PDE4D: variants seen among roughly 807,000 people sequenced by gnomAD.
PDE4D encodes 3',5'-cyclic-AMP phosphodiesterase 4D.
A neutral mutation model predicts 87.4 loss-of-function variants in PDE4D; 24 were observed. That is an observed-to-expected ratio of 0.27 (90% CI 0.20 to 0.39). The LOEUF is 0.39. PDE4D is among the 10% of genes least tolerant of loss of function. The pLI is 1.00. For synonymous variants in PDE4D, 384 were observed against 383.2 expected (o/e 1.00, Z -0.02); for missense variants, 714 against 1,041.0 (o/e 0.69, Z 4.32).
intron 1 of PDE4D, among the ~76,000 whole-genome samples, chr5:60,201,437 C>T (rs1042333076): frequency 1.3e-5 from 2 of 151,942 alleles, no homozygotes; most frequent in East Asian, 3.9e-4. Flanking sequence ...CATTGAAGTA[C>T]ATAAAAGGAG....
At chr5:60,460,496 GA>G in intron 1 of PDE4D, 1 of 1,532,252 alleles carries the variant, frequency 6.5e-7, no homozygotes, top group Non-Finnish European at 9.0e-7. Flanking sequence ...GACATCTTCT[GA>G]AAAAATGGTT....
chr5:59,201,848 C>A, intron 2 of PDE4D, among the ~76,000 whole-genome samples: 1 of 152,064 alleles, frequency 6.6e-6, no homozygotes, highest in East Asian at 1.9e-4. Flanking sequence ...CCAAAACTTT[C>A]AATTTGGCAA....
At chr5:59,380,527 T>C (rs1202658981) in intron 1 of PDE4D, among the ~76,000 whole-genome samples, 1 of 152,202 alleles carries the variant, frequency 6.6e-6, no homozygotes, top group Non-Finnish European at 1.5e-5. Flanking sequence ...TCACAAGAGC[T>C]ACAGGCTGAC....
intron 1 of PDE4D, among the ~76,000 whole-genome samples, chr5:60,348,292 T>C (rs924067150): frequency 6.6e-6 from 1 of 152,070 alleles, no homozygotes; most frequent in Non-Finnish European, 1.5e-5. Flanking sequence ...TTTCCATTGT[T>C]TCTCCTCACA....
In PDE4D at chr5:59,518,693, G is replaced by A. The variant is rs1012358056; in HGVS notation, c.456-302725C>T. On this transcript the variant is annotated intron_variant, in intron 1 of 14. Coordinates refer to ENST00000340635, the MANE Select transcript of PDE4D (RefSeq NM_001104631.2). ...TCACTTATCCCCAATTCAGGCATTCGACTACCAGCTTCATGATTCTGCCAT... is the reference window on the plus strand; with the variant it reads ...TCACTTATCCCCAATTCAGGCATTCAACTACCAGCTTCATGATTCTGCCAT... Among the ~76,000 whole-genome samples the A allele has an allele frequency of 3.9e-5, 6 of 152,088 alleles. No individual in the cohort carries two copies. The East Asian group carries it at 9.6e-4, about 24-fold the overall frequency.
At chr5:60,219,060 G>C (rs1364431478) in intron 1 of PDE4D, among the ~76,000 whole-genome samples, 2 of 152,084 alleles carry the variant, frequency 1.3e-5, no homozygotes, top group African/African-American at 2.4e-5. Flanking sequence ...ATATACAGCA[G>C]CCTTATTATT....
Position 59,612,229 on chromosome 5 carries a change from A to G in PDE4D, c.455+280939T>C, listed in dbSNP as rs560647768. Among the ~76,000 whole-genome samples the G allele has an allele frequency of 2.7e-3, 109 of 40,888 alleles. 1 individual carries two copies. The highest frequency in any genetic ancestry group is 7.5e-3 in the African/African-American group (106 of 14,066). The allele number at this position is 40,888 out of a possible 152,430, so 26.8% of individuals were successfully genotyped here. A position where few individuals can be genotyped will look rare whatever the true frequency, so the allele number is the denominator to read the frequency against. On this transcript the variant is annotated intron_variant, in intron 1 of 14. Coordinates refer to ENST00000340635, the MANE Select transcript of PDE4D (RefSeq NM_001104631.2). ...TATATATTCTGATTCCTTGATTGACACTGTTTTTTTTGTTTGTTTGTTTGT... is the reference window on the plus strand; with the variant it reads ...TATATATTCTGATTCCTTGATTGACGCTGTTTTTTTTGTTTGTTTGTTTGT...
At chr5:60,386,601 C>T (rs951480117) in intron 1 of PDE4D, among the ~76,000 whole-genome samples, 2 of 152,168 alleles carry the variant, frequency 1.3e-5, no homozygotes, top group African/African-American at 2.4e-5. Context: ...GGGCAGAAAG[C>T]CAGTGCAGCA....
chr5:59,916,441 A>G (rs1424248834), intron 3 of PDE4D, among the ~76,000 whole-genome samples: 2 of 152,220 alleles, frequency 1.3e-5, no homozygotes, highest in Non-Finnish European at 2.9e-5. Context: ...TCCCAGACAT[A>G]CAGTGAACAA....
intron 1 of PDE4D, among the ~76,000 whole-genome samples, chr5:59,664,897 G>A (rs1745817060): frequency 6.6e-6 from 1 of 152,098 alleles, no homozygotes; most frequent in Admixed American, 6.5e-5. Flanking sequence ...CCAGTTTTCT[G>A]TGGATAGACT....
intron 11 of PDE4D, among the ~76,000 whole-genome samples, chr5:58,985,103 C>T (rs1746103270): frequency 6.6e-6 from 1 of 151,936 alleles, no homozygotes; most frequent in African/African-American, 2.4e-5. Context: ...TTTGTAAAGA[C>T]AGGGTTTCAC....
At chr5:59,732,000 T>C (rs1016522072) in intron 1 of PDE4D, among the ~76,000 whole-genome samples, 1 of 152,162 alleles carries the variant, frequency 6.6e-6, no homozygotes, top group African/African-American at 2.4e-5. Flanking sequence ...TAAATCCCAA[T>C]CATTGCCACT....
At chr5:60,419,923 G>A (rs568416452) in intron 1 of PDE4D, among the ~76,000 whole-genome samples, 4 of 152,250 alleles carry the variant, frequency 2.6e-5, no homozygotes, top group African/African-American at 7.2e-5. Context: ...TGGCATGGCT[G>A]GCATCTATAA....
chr5:59,174,897 C>T (rs1474027741), intron 5 of PDE4D, among the ~76,000 whole-genome samples: 6 of 152,080 alleles, frequency 3.9e-5, no homozygotes, highest in African/African-American at 1.4e-4. Flanking sequence ...AATACGTTTT[C>T]TTTAGAGTTG....
chr5:59,135,142 G>A (rs1231900759), intron 5 of PDE4D, among the ~76,000 whole-genome samples: 1 of 152,238 alleles, frequency 6.6e-6, no homozygotes, highest in Admixed American at 6.5e-5. Flanking sequence ...TGACAAGGAT[G>A]CACTTATTTG....
At chr5:59,855,553 GA>G (rs1454270473) in intron 1 of PDE4D, among the ~76,000 whole-genome samples, 1 of 152,136 alleles carries the variant, frequency 6.6e-6, no homozygotes, top group Non-Finnish European at 1.5e-5. Flanking sequence ...CAGAAGGGTA[GA>G]AATTTTCATA....
At chr5:59,650,415 C>T (rs904666407) in intron 1 of PDE4D, among the ~76,000 whole-genome samples, 1 of 152,090 alleles carries the variant, frequency 6.6e-6, no homozygotes, top group Non-Finnish European at 1.5e-5. Context: ...AATGAGGAGG[C>T]TGAAGATGCA....
chr5:59,820,753 CAA>C (rs1491571482), intron 1 of PDE4D, among the ~76,000 whole-genome samples: 1 of 152,132 alleles, frequency 6.6e-6, no homozygotes, highest in Non-Finnish European at 1.5e-5. Flanking sequence ...GCTCAACTCC[CAA>C]TATATATCTA....
intron 3 of PDE4D, among the ~76,000 whole-genome samples, chr5:59,965,638 T>G (rs984088561): frequency 1.3e-5 from 2 of 152,168 alleles, no homozygotes; most frequent in Non-Finnish European, 2.9e-5. Flanking sequence ...CACCTCTCCT[T>G]GGCCCCCTCC....
Sources: gnomAD v4.1 joint callset for allele counts (sites outside exome capture counted in the v4.1 genomes callset) on GRCh38, gnomAD v4.1.1 for gene constraint, MANE v1.5 for transcripts, NCBI Gene and HGNC (gene_info 2026-07-23, HGNC 2026-07-21) for gene names.